CFAP74: variants seen among roughly 807,000 people sequenced by gnomAD.
CFAP74 encodes the protein cilia and flagella associated protein 74.
CFAP74 carries 124 observed loss-of-function variants against 188.9 expected under a neutral mutation model. The observed-to-expected ratio is 0.66, with a 90% CI of 0.57 to 0.76. The LOEUF (loss-of-function observed/expected upper bound fraction) is 0.76, where lower values mean the gene tolerates loss of function less well. Ranked by LOEUF, CFAP74 falls within the 30% of genes least tolerant of loss-of-function variation. The pLI, the probability that CFAP74 is intolerant of heterozygous loss-of-function variation, is 0.00. For synonymous variants in CFAP74, 956 were observed against 916.7 expected, an observed-to-expected ratio of 1.04 and a Z score of -0.77; for missense variants, 2,198 against 2,165.2, an observed-to-expected ratio of 1.02 and a Z score of -0.30.
intron 25 of CFAP74, among the ~76,000 whole-genome samples, chr1:1,932,087 C>CAAAA (rs370006166): frequency 0.017 from 918 of 53,652 alleles, 31 homozygotes; most frequent in African/African-American, 0.037. Context: ...AAACAAAAAA[C>CAAAA]AAAAAACAAA....
intron 1 of CFAP74, among the ~76,000 whole-genome samples, chr1:1,996,039 C>T (rs1208274057): frequency 1.3e-5 from 2 of 152,068 alleles, no homozygotes; most frequent in Admixed American, 1.3e-4. Context: ...CGCTGGAGTG[C>T]AGAGGTACGA....
intron 25 of CFAP74, among the ~76,000 whole-genome samples, chr1:1,936,356 T>C (rs1045644495): frequency 1.3e-5 from 2 of 149,474 alleles, no homozygotes; most frequent in East Asian, 4.0e-4. Flanking sequence ...CCATCCTGTC[T>C]AACATGGTGA....
intron 6 of CFAP74, among the ~76,000 whole-genome samples, chr1:1,981,223 C>T (rs970755894): frequency 5.9e-5 from 9 of 152,362 alleles, no homozygotes; most frequent in Admixed American, 2.6e-4. Context: ...TGAGTGGAAG[C>T]TGAAGCTGCA....
intron 27 of CFAP74, among the ~76,000 whole-genome samples, chr1:1,928,518 C>T (rs1652099717): frequency 6.6e-6 from 1 of 152,192 alleles, no homozygotes; most frequent in South Asian, 2.1e-4. Flanking sequence ...ATCCGCTGCA[C>T]CCCTGGGTCA....
At chr1:1,948,999 C>T (rs1201402869) in intron 18 of CFAP74, among the ~76,000 whole-genome samples, 2 of 125,208 alleles carry the variant, frequency 1.6e-5, no homozygotes, top group African/African-American at 3.4e-5. Flanking sequence ...CCTTCATTCC[C>T]TTCCTTCCCC....
At chr1:1,958,182 C>T (rs1394611640) in intron 16 of CFAP74, among the ~76,000 whole-genome samples, 3 of 152,202 alleles carry the variant, frequency 2.0e-5, no homozygotes, top group Non-Finnish European at 2.9e-5. Context: ...TTGGGGCCAG[C>T]GTGGCCTGGA....
chr1:1,990,803 T>C (rs1657521949), intron 2 of CFAP74, 87 bp downstream of exon 2: 2 of 960,806 alleles, frequency 2.1e-6, no homozygotes, highest in Non-Finnish European at 3.2e-6. Flanking sequence ...CTCCCAGAAA[T>C]AAAGGGAATT....
rs1657383634 is a variant in CFAP74, at chr1:1,988,587, G to A, written c.221C>T (p.Ala74Val). The change falls in exon 4 of 39, where the codon GCA (alanine) becomes GTA (valine). Residue 74 changes from alanine (A) to valine (V), a missense_variant. Physicochemically the swap from Ala to Val is moderately conservative, Grantham distance 64. Coordinates refer to ENST00000682832, the MANE Select transcript of CFAP74 (RefSeq NM_001304360.2). ...KKKTAEDRTQ[A>V]FHLRQNLSAL... The stretch of plus-strand genomic sequence containing the variant: ...GCTCAGGTTCTGCCGCAGGTGAAAT[G>A]CCTGCGTTCTGTCCTCAGCTGTTTT... 6.2e-7 allele frequency: 1 copy of A among 1,612,838 alleles called. No homozygotes were observed. Among genetic ancestry groups the A allele is most frequent in the African/African-American group, 1.3e-5 (1 of 74,920 alleles).
At chr1:1,998,554 A>G (rs1346876897) in intron 1 of CFAP74, among the ~76,000 whole-genome samples, 1 of 152,130 alleles carries the variant, frequency 6.6e-6, no homozygotes, top group Non-Finnish European at 1.5e-5. Flanking sequence ...GCAATTTTCC[A>G]TAATAAAAGT....
chr1:1,922,488 C>A (rs1350742535), intron 38 of CFAP74, 100 bp from the exon 39 acceptor site: 8 of 1,545,474 alleles, frequency 5.2e-6, no homozygotes, highest in Non-Finnish European at 6.1e-6. Context: ...TCCCTTGGGT[C>A]CTCCACGGCC....
At chr1:1,974,741 C>A (rs1010885974) in intron 6 of CFAP74, among the ~76,000 whole-genome samples, 9 of 152,234 alleles carry the variant, frequency 5.9e-5, no homozygotes, top group Admixed American at 5.9e-4. Context: ...GTGAGTGTGG[C>A]GTCTGTGGTG....
At chr1:1,992,542 T>C (rs1293192748) in intron 1 of CFAP74, among the ~76,000 whole-genome samples, 6 of 151,892 alleles carry the variant, frequency 4.0e-5, no homozygotes, top group South Asian at 4.2e-4. Flanking sequence ...GGCGGGATCT[T>C]GGCTCACTGC....
At chr1:1,963,921 G>C in intron 13 of CFAP74, 54 bp from the exon 14 acceptor site, 1 of 1,163,558 alleles carries the variant, frequency 8.6e-7, no homozygotes, top group Non-Finnish European at 1.3e-6. Flanking sequence ...GCTGTGCTGT[G>C]AGCACCGAGG....
intron 1 of CFAP74, 54 bp from the exon 2 acceptor site, chr1:1,991,029 G>A (rs1258354176): frequency 3.4e-5 from 42 of 1,242,568 alleles, no homozygotes; most frequent in East Asian, 7.3e-5. Context: ...TTTAAAAGAC[G>A]GTGAATTAAC....
At chr1:1,948,399 C>T (rs1198425036) in intron 18 of CFAP74, among the ~76,000 whole-genome samples, 2 of 114,230 alleles carry the variant, frequency 1.8e-5, no homozygotes, top group African/African-American at 7.9e-5. Context: ...TGCAGCCATG[C>T]TTGGCATATA....
chr1:1,941,517 G>A (rs921115492), intron 22 of CFAP74, among the ~76,000 whole-genome samples: 3 of 152,230 alleles, frequency 2.0e-5, no homozygotes, highest in African/African-American at 7.2e-5. Context: ...GGGTGACAGG[G>A]ACACCCTCAA....
intron 27 of CFAP74, among the ~76,000 whole-genome samples, chr1:1,928,125 G>A (rs1199635146): frequency 6.6e-6 from 1 of 151,976 alleles, no homozygotes; most frequent in African/African-American, 2.4e-5. Flanking sequence ...ACCCTTGGGA[G>A]GAAGCCAGGC....
In CFAP74 at chr1:1,923,997, C is replaced by T. The variant is rs966614603; in HGVS notation, c.4235-68G>A. The T allele has an allele frequency of 3.3e-6, 5 of 1,525,276 alleles. No homozygotes were observed. The highest frequency in any genetic ancestry group is 4.6e-5 in the East Asian group (2 of 43,866). The allele number at this position is 1,525,276 out of a possible 1,614,324, so 94.5% of individuals were successfully genotyped here. A position where few individuals can be genotyped will look rare whatever the true frequency, so the allele number is the denominator to read the frequency against. On this transcript the variant is annotated intron_variant, in intron 34 of 38. Coordinates refer to ENST00000682832, the MANE Select transcript of CFAP74 (RefSeq NM_001304360.2). The surrounding 1 kb of genome is among the most constrained non-coding windows in gnomAD (Gnocchi z 6.3). ...ATCACTGTCTGCCCTCCAAGCCTTGCTGCATAGAGCTCTACACCCTGCCCG... is the reference window on the plus strand; with the variant it reads ...ATCACTGTCTGCCCTCCAAGCCTTGTTGCATAGAGCTCTACACCCTGCCCG...
chr1:1,994,805 G>C (rs950209279), intron 1 of CFAP74, among the ~76,000 whole-genome samples: 1 of 152,144 alleles, frequency 6.6e-6, no homozygotes, highest in African/African-American at 2.4e-5. Flanking sequence ...AGCCACCTCT[G>C]ATCTCTCCTG....
Sources: allele counts gnomAD v4.1 joint callset (sites outside exome capture counted in the v4.1 genomes callset), GRCh38; gene constraint gnomAD v4.1.1; non-coding constraint Gnocchi (gnomAD v3.1); transcripts MANE v1.5; gene names NCBI Gene and HGNC (gene_info 2026-07-23, HGNC 2026-07-21).